ROBO2: variants seen among roughly 807,000 people sequenced by gnomAD.
The protein encoded by ROBO2 is roundabout homolog 2.
Under a neutral mutation model 160.8 loss-of-function variants are expected in ROBO2, and 53 were observed. The ratio of observed to expected loss-of-function variants is 0.33; its 90% CI spans 0.26 to 0.41. ROBO2 has a LOEUF of 0.41. ROBO2 is among the 10% of genes least tolerant of loss of function. The pLI, the probability that ROBO2 is intolerant of heterozygous loss-of-function variation, is 1.00. For missense variants in ROBO2, 1,577 were observed against 1,722.4 expected (o/e 0.92, Z 1.49); for synonymous variants, 664 against 611.7 (o/e 1.09, Z -1.26).
intron 2 of ROBO2, among the ~76,000 whole-genome samples, chr3:77,319,764 G>A (rs1468940143): frequency 2.0e-5 from 3 of 152,134 alleles, no homozygotes; most frequent in African/African-American, 7.2e-5. Flanking sequence ...AGGTATATAT[G>A]AAACAGATTT....
At chr3:77,612,750 T>A (rs528312873) in intron 21 of ROBO2, among the ~76,000 whole-genome samples, 1 of 152,116 alleles carries the variant, frequency 6.6e-6, no homozygotes, top group East Asian at 1.9e-4. Context: ...ATCGTGACCA[T>A]CCTGGCTAAC....
rs540107199 is a variant in ROBO2 at position 76,222,630 on chromosome 3, C to G, written c.109+285028C>G. Among the ~76,000 whole-genome samples, 2 of 152,240 alleles carry G rather than the reference C, an allele frequency of 1.3e-5. 1 individual carries two copies. The highest frequency in any genetic ancestry group is 4.8e-5 in the African/African-American group (2 of 41,532). On this transcript the variant is annotated intron_variant, in intron 2 of 26. Transcript: ENST00000487694. ...CCATCTGACCATCACCTGATGGTGC[C>G]TGACATTCCTGGTGTGTGTGGGTGG...
At chr3:76,743,851 G>T (rs1444951820) in intron 2 of ROBO2, among the ~76,000 whole-genome samples, 2 of 151,946 alleles carry the variant, frequency 1.3e-5, no homozygotes, top group Non-Finnish European at 2.9e-5. Flanking sequence ...ACCTGAGAAG[G>T]GAAAGAAAGA....
chr3:77,036,684 A>T (rs143419819), upstream of ROBO2, among the ~76,000 whole-genome samples: 522 of 152,162 alleles, frequency 3.4e-3, 4 homozygotes, highest in African/African-American at 0.012. Flanking sequence ...CTAGATTTCC[A>T]TCTACATTTA....
intron 12 of ROBO2, among the ~76,000 whole-genome samples, chr3:77,566,932 G>T (rs1379411259): frequency 6.6e-6 from 1 of 151,946 alleles, no homozygotes; most frequent in Non-Finnish European, 1.5e-5. Flanking sequence ...AAATAACAGA[G>T]AATCTAGAAA....
chr3:76,645,790 G>A (rs1405846787), intron 2 of ROBO2, among the ~76,000 whole-genome samples: 1 of 152,110 alleles, frequency 6.6e-6, no homozygotes, highest in East Asian at 1.9e-4. Context: ...GGAGAGAAAA[G>A]AACTTAAAGT....
At chr3:76,097,640 T>A (rs1362007770) in intron 2 of ROBO2, among the ~76,000 whole-genome samples, 2 of 152,048 alleles carry the variant, frequency 1.3e-5, no homozygotes, top group Non-Finnish European at 2.9e-5. Context: ...ATTAACAGGG[T>A]AATCAGGGAG....
At chr3:76,619,300 A>C (rs1050643714) in intron 2 of ROBO2, among the ~76,000 whole-genome samples, 2 of 150,258 alleles carry the variant, frequency 1.3e-5, no homozygotes, top group African/African-American at 4.9e-5. Context: ...AGATCGCGCC[A>C]CTGCACTCCA....
chr3:76,090,720 G>A (rs2069196427), intron 2 of ROBO2, among the ~76,000 whole-genome samples: 1 of 152,152 alleles, frequency 6.6e-6, no homozygotes, highest in Non-Finnish European at 1.5e-5. Flanking sequence ...TCAAAACAGT[G>A]TCGTGTTGGT....
intron 2 of ROBO2, among the ~76,000 whole-genome samples, chr3:76,822,725 T>TA (rs547629676): frequency 6.1e-5 from 9 of 147,646 alleles, no homozygotes; most frequent in South Asian, 2.1e-4. Context: ...GATTATGAAT[T>TA]AAAAAAAAAA....
intron 2 of ROBO2, among the ~76,000 whole-genome samples, chr3:77,302,270 A>G (rs1030475503): frequency 6.6e-6 from 1 of 152,122 alleles, no homozygotes; most frequent in Non-Finnish European, 1.5e-5. Flanking sequence ...AATAAAAAAA[A>G]AGATATTAAT....
chr3:76,852,689 A>T (rs2148549830), intron 2 of ROBO2, among the ~76,000 whole-genome samples: 1 of 152,304 alleles, frequency 6.6e-6, no homozygotes, highest in Non-Finnish European at 1.5e-5. Context: ...AATCTGAAAT[A>T]ATGGCAATAT....
rs2060289305 is a variant in ROBO2 at position 76,984,885 on chromosome 3, CAA to C, written c.110-113125_110-113124del. On this transcript the variant is annotated intron_variant, in intron 2 of 26. Coordinates refer to the ROBO2 transcript ENST00000487694. ...TTATTATTAATTTTTCAATGATACA[CAA>C]AAATATATAGCATATATAGGTTGAA... 5.3e-5 allele frequency among the ~76,000 whole-genome samples: 8 copies of C among 152,008 alleles called. No individual in the cohort carries two copies. In the South Asian group the frequency reaches 1.2e-3, roughly 24 times the overall value.
At chr3:77,467,587 GTATCTATC>G (rs59640984) in intron 2 of ROBO2, among the ~76,000 whole-genome samples, 2,980 of 148,220 alleles carry the variant, frequency 0.02, 68 homozygotes, top group African/African-American at 0.057. Flanking sequence ...CTATCTGTCT[GTATCTATC>G]TATCTATCTA....
intron 14 of ROBO2, among the ~76,000 whole-genome samples, chr3:77,575,377 C>T (rs893617165): frequency 1.8e-4 from 28 of 151,908 alleles, no homozygotes; most frequent in Admixed American, 7.2e-4. Flanking sequence ...AAAGGAGATG[C>T]GAAATGAAAT....
At chr3:77,372,472 A>C (rs905633771) in intron 2 of ROBO2, among the ~76,000 whole-genome samples, 1 of 152,166 alleles carries the variant, frequency 6.6e-6, no homozygotes, top group African/African-American at 2.4e-5. Context: ...GAGGTCCCAT[A>C]CTAAAGCTGA....
intron 2 of ROBO2, among the ~76,000 whole-genome samples, chr3:76,024,259 A>G (rs1354867571): frequency 6.6e-6 from 1 of 151,556 alleles, no homozygotes; most frequent in Non-Finnish European, 1.5e-5. Flanking sequence ...CTTTAAAAGG[A>G]AAGACGCCTG....
At chr3:75,979,535 A>G (rs1254057290) in intron 2 of ROBO2, among the ~76,000 whole-genome samples, 1 of 151,462 alleles carries the variant, frequency 6.6e-6, no homozygotes, top group Admixed American at 6.6e-5. Context: ...AATCTAACCT[A>G]TTGGGAGCAC....
intron 2 of ROBO2, among the ~76,000 whole-genome samples, chr3:76,156,171 G>T (rs1188979618): frequency 3.9e-5 from 6 of 151,944 alleles, no homozygotes. Flanking sequence ...CGTAAGTGCT[G>T]TATTACATAT....
Sources: allele counts gnomAD v4.1 joint callset (sites outside exome capture counted in the v4.1 genomes callset), GRCh38; gene constraint gnomAD v4.1.1; transcripts MANE v1.5; gene names NCBI Gene and HGNC (gene_info 2026-07-23, HGNC 2026-07-21).